Variants in RSRC1 observed in about 807,000 individuals in gnomAD.
The protein encoded by RSRC1 is serine/Arginine-related protein 53.
Under a neutral mutation model 49.1 loss-of-function variants are expected in RSRC1, and 39 were observed. The ratio of observed to expected loss-of-function variants is 0.79; its 90% CI spans 0.61 to 1.04. The LOEUF (loss-of-function observed/expected upper bound fraction) is 1.04. Among genes scored for constraint, RSRC1 ranks in the 50% least tolerant of loss-of-function variants. RSRC1 has a pLI of 0.00. For missense variants in RSRC1, 388 were observed against 402.4 expected (o/e 0.96, Z 0.31); for synonymous variants, 143 against 130.8 (o/e 1.09, Z -0.63).
intron 5 of RSRC1, among the ~76,000 whole-genome samples, chr3:158,332,897 A>G (rs1578350245): frequency 6.6e-6 from 1 of 151,546 alleles, no homozygotes; most frequent in Admixed American, 6.6e-5. Flanking sequence ...ATTGACTGTT[A>G]TGCTACTTCC....
rs530125458 is a variant in RSRC1 at position 158,289,400 on chromosome 3, G to T, written c.495-8639G>T. ...CTTGGCTGTTTAATATATTTAATTTGAACTTGTCCTGACATAGTGGATGCT... is the reference window on the plus strand; with the variant it reads ...CTTGGCTGTTTAATATATTTAATTTTAACTTGTCCTGACATAGTGGATGCT... On this transcript the variant is annotated intron_variant, in intron 4 of 9. Coordinates refer to ENST00000611884, the MANE Select transcript of RSRC1 (RefSeq NM_001271838.2). Among the ~76,000 whole-genome samples, 3 of 152,264 alleles carry T rather than the reference G, an allele frequency of 2.0e-5. No individual in the cohort carries two copies. The East Asian group carries it at 5.8e-4, about 29-fold the overall frequency.
At chr3:158,235,042 T>G (rs114664194) in intron 4 of RSRC1, among the ~76,000 whole-genome samples, 1 of 152,140 alleles carries the variant, frequency 6.6e-6, no homozygotes, top group Non-Finnish European at 1.5e-5. Flanking sequence ...AGATGGAAAT[T>G]CATGGTGATG....
intron 6 of RSRC1, among the ~76,000 whole-genome samples, chr3:158,362,834 G>A (rs1731550936): frequency 6.6e-6 from 1 of 152,190 alleles, no homozygotes; most frequent in Admixed American, 6.5e-5. Flanking sequence ...GAATTTAGAA[G>A]AGAGATTTTT....
intron 4 of RSRC1, among the ~76,000 whole-genome samples, chr3:158,253,782 A>T (rs1490835571): frequency 3.3e-5 from 5 of 152,062 alleles, no homozygotes; most frequent in East Asian, 1.9e-4. Flanking sequence ...TTATTTAATT[A>T]TACTTTAAGT....
intron 3 of RSRC1, among the ~76,000 whole-genome samples, chr3:158,164,237 A>C (rs1385982988): frequency 6.6e-6 from 1 of 152,142 alleles, no homozygotes; most frequent in African/African-American, 2.4e-5. Flanking sequence ...GAGCAAACGC[A>C]AATTACAGAG....
intron 7 of RSRC1, among the ~76,000 whole-genome samples, chr3:158,509,119 G>T (rs1200782682): frequency 6.6e-6 from 1 of 152,144 alleles, no homozygotes; most frequent in Non-Finnish European, 1.5e-5. Flanking sequence ...TCTCAGAGTT[G>T]TATAGTTTTA....
intron 5 of RSRC1, among the ~76,000 whole-genome samples, chr3:158,321,593 A>G (rs990547044): frequency 6.0e-5 from 9 of 148,874 alleles, no homozygotes; most frequent in African/African-American, 2.2e-4. Context: ...CTATGTATTT[A>G]TATGTATTAT....
intron 6 of RSRC1, among the ~76,000 whole-genome samples, chr3:158,373,369 A>G (rs1263405877): frequency 1.3e-5 from 2 of 151,914 alleles, no homozygotes; most frequent in Admixed American, 1.3e-4. Flanking sequence ...TAGGTTTTTC[A>G]TAGATGACTT....
chr3:158,338,654 C>G (rs1730054936), intron 5 of RSRC1, among the ~76,000 whole-genome samples: 1 of 152,170 alleles, frequency 6.6e-6, no homozygotes, highest in African/African-American at 2.4e-5. Context: ...CATCCAAAGA[C>G]TAAAGGAAAT....
Position 158,495,506 on chromosome 3 carries a change from G to A in RSRC1, c.652+34503G>A, listed in dbSNP as rs183142047. Reference sequence around the variant, plus strand: ...TCACCATGTTGTCCAGGCTGGTCTCGAACTCCTGACCTCAAGTGATCCACC... The same window carrying A: ...TCACCATGTTGTCCAGGCTGGTCTCAAACTCCTGACCTCAAGTGATCCACC... On this transcript the variant is annotated intron_variant, in intron 7 of 9. Coordinates refer to ENST00000611884, the MANE Select transcript of RSRC1 (RefSeq NM_001271838.2). Among the ~76,000 whole-genome samples, 518 of 152,054 alleles carry A rather than the reference G, an allele frequency of 3.4e-3. 7 individuals carry two copies. The highest frequency in any genetic ancestry group is 2.3e-3 in the Non-Finnish European group (154 of 67,968).
chr3:158,284,123 A>G (rs932275855), intron 4 of RSRC1, among the ~76,000 whole-genome samples: 3 of 143,626 alleles, frequency 2.1e-5, no homozygotes, highest in Non-Finnish European at 4.5e-5. Context: ...ATTCCCACCT[A>G]TGAGTGAGAA....
chr3:158,183,501 A>G (rs1182795918), intron 3 of RSRC1, among the ~76,000 whole-genome samples: 2 of 152,196 alleles, frequency 1.3e-5, no homozygotes, highest in African/African-American at 4.8e-5. Flanking sequence ...TAAAAAGTAA[A>G]ATATCAGGTG....
intron 7 of RSRC1, among the ~76,000 whole-genome samples, chr3:158,496,185 A>G (rs1739313813): frequency 6.6e-6 from 1 of 152,160 alleles, no homozygotes; most frequent in South Asian, 2.1e-4. Context: ...CTCTATGAAT[A>G]GTTACTCTTC....
chr3:158,340,565 CA>C (rs898839051), intron 5 of RSRC1, among the ~76,000 whole-genome samples: 3 of 151,732 alleles, frequency 2.0e-5, no homozygotes, highest in Non-Finnish European at 4.4e-5. Flanking sequence ...AAAAGAAAGA[CA>C]AAAAAAAGAA....
chr3:158,393,589 A>G (rs1317644999), intron 6 of RSRC1, among the ~76,000 whole-genome samples: 1 of 152,088 alleles, frequency 6.6e-6, no homozygotes, highest in Non-Finnish European at 1.5e-5. Context: ...TCCTGGAAAC[A>G]TAAAACCTCC....
intron 3 of RSRC1, among the ~76,000 whole-genome samples, chr3:158,183,265 A>G (rs555526570): frequency 6.6e-6 from 1 of 151,646 alleles, no homozygotes; most frequent in East Asian, 1.9e-4. Flanking sequence ...TATTTTTAAG[A>G]TAATAGATTG....
intron 4 of RSRC1, among the ~76,000 whole-genome samples, chr3:158,215,575 T>C (rs1721905004): frequency 6.6e-6 from 1 of 151,892 alleles, no homozygotes; most frequent in African/African-American, 2.4e-5. Context: ...TTCCCTTTCC[T>C]ATATTTTTAT....
chr3:158,410,945 C>T (rs1734433973), intron 6 of RSRC1, among the ~76,000 whole-genome samples: 2 of 152,078 alleles, frequency 1.3e-5, no homozygotes, highest in African/African-American at 4.8e-5. Context: ...TCAGAACTAT[C>T]ACCTTCTCTT....
intron 7 of RSRC1, among the ~76,000 whole-genome samples, chr3:158,500,644 T>C (rs1381771142): frequency 1.3e-5 from 2 of 152,170 alleles, no homozygotes; most frequent in Admixed American, 1.3e-4. Flanking sequence ...CTAGTTTATG[T>C]ACATAAAGGT....
Sources: gnomAD v4.1 joint callset for allele counts (sites outside exome capture counted in the v4.1 genomes callset) on GRCh38, gnomAD v4.1.1 for gene constraint, MANE v1.5 for transcripts, NCBI Gene and HGNC (gene_info 2026-07-23, HGNC 2026-07-21) for gene names.